ARID2: variants seen among roughly 807,000 people sequenced by gnomAD.
ARID2 encodes AT-rich interaction domain 2.
ARID2 carries 32 observed loss-of-function variants against 184.6 expected under a neutral mutation model. The observed-to-expected ratio is 0.17, with a 90% confidence interval of 0.13 to 0.23. The LOEUF (loss-of-function observed/expected upper bound fraction) is 0.23. Among genes scored for constraint, ARID2 ranks in the 10% least tolerant of loss-of-function variants. The pLI, the probability that ARID2 is intolerant of heterozygous loss-of-function variation, is 1.00. For synonymous variants in ARID2, 836 were observed against 772.6 expected (o/e 1.08, Z -1.36); for missense variants, 1,696 against 2,197.6 (o/e 0.77, Z 4.56).
intron 16 of ARID2, among the ~76,000 whole-genome samples, chr12:45,875,301 A>C (rs375337030): frequency 2.0e-5 from 3 of 152,178 alleles, no homozygotes; most frequent in Non-Finnish European, 2.9e-5. Flanking sequence ...CAGAGTGGTA[A>C]GTTTCAATAG....
intron 3 of ARID2, among the ~76,000 whole-genome samples, chr12:45,782,819 G>GA (rs1942121547): frequency 6.6e-6 from 1 of 151,660 alleles, no homozygotes; most frequent in Non-Finnish European, 1.5e-5. Flanking sequence ...CTTAAGAAGT[G>GA]AAAAATGGGC....
intron 15 of ARID2, among the ~76,000 whole-genome samples, chr12:45,853,581 C>G (rs1479318903): frequency 6.6e-6 from 1 of 152,196 alleles, no homozygotes; most frequent in Non-Finnish European, 1.5e-5. Context: ...AGTTGAGGGT[C>G]CAATCAGGCT....
intron 3 of ARID2, among the ~76,000 whole-genome samples, chr12:45,762,257 A>T (rs1592060600): frequency 2.0e-5 from 3 of 152,132 alleles, no homozygotes; most frequent in Non-Finnish European, 4.4e-5. Context: ...AAATGCTGGT[A>T]TATTTAGAGA....
intron 16 of ARID2, among the ~76,000 whole-genome samples, chr12:45,887,318 T>C (rs1407043091): frequency 6.6e-6 from 1 of 152,232 alleles, no homozygotes; most frequent in Non-Finnish European, 1.5e-5. Flanking sequence ...GTAATTATAT[T>C]AAATACTACA....
At chr12:45,837,848 A>T (rs1461961320) in intron 10 of ARID2, 141 bp downstream of exon 10, 1 of 605,964 alleles carries the variant, frequency 1.7e-6, no homozygotes, top group Non-Finnish European at 2.7e-6. Context: ...ACTTGTTTCC[A>T]TTATTCTTTA....
chr12:45,888,049 G>C (rs1361492797), intron 16 of ARID2, among the ~76,000 whole-genome samples: 1 of 152,086 alleles, frequency 6.6e-6, no homozygotes, highest in Non-Finnish European at 1.5e-5. Flanking sequence ...TAAAAAATCA[G>C]CTGGGGGTGC....
intron 3 of ARID2, among the ~76,000 whole-genome samples, chr12:45,784,363 C>T (rs1462748959): frequency 6.6e-6 from 1 of 151,846 alleles, no homozygotes; most frequent in East Asian, 1.9e-4. Context: ...AATATGATAC[C>T]AGCAATTCCA....
chr12:45,744,450 T>A (rs1195998642), intron 3 of ARID2, among the ~76,000 whole-genome samples: 1 of 152,174 alleles, frequency 6.6e-6, no homozygotes, highest in East Asian at 1.9e-4. Flanking sequence ...ATTACATTTT[T>A]AAAATTCCAT....
At chr12:45,887,093 G>T (rs969939058) in intron 16 of ARID2, among the ~76,000 whole-genome samples, 7 of 152,166 alleles carry the variant, frequency 4.6e-5, no homozygotes, top group Non-Finnish European at 8.8e-5. Context: ...TTGCTCAGTT[G>T]AACCAAACAG....
intron 3 of ARID2, among the ~76,000 whole-genome samples, chr12:45,774,963 A>G (rs943302764): frequency 5.3e-5 from 8 of 152,142 alleles, no homozygotes; most frequent in African/African-American, 1.9e-4. Context: ...TTTGATTGTC[A>G]TAGCTGGGGA....
chr12:45,837,764 G>A (rs2138133337), intron 10 of ARID2, 57 bp downstream of exon 10: 1 of 1,511,854 alleles, frequency 6.6e-7, no homozygotes, highest in Non-Finnish European at 9.1e-7. Flanking sequence ...GTTTAATATG[G>A]TACTGTACAA....
chr12:45,835,521 T>G (rs769096572), intron 6 of ARID2, among the ~76,000 whole-genome samples: 9 of 152,198 alleles, frequency 5.9e-5, no homozygotes, highest in Admixed American at 2.0e-4. Flanking sequence ...CCAGTTGTTT[T>G]GAAATATACA....
In ARID2 at chr12:45,906,745, T is replaced by G; in HGVS notation, c.*1667T>G. 1 of 232,234 alleles carries G rather than the reference T, an allele frequency of 4.3e-6. No individual in the cohort carries two copies. The allele number at this position is 232,234 out of a possible 1,614,324, so 14.4% of individuals were successfully genotyped here. On this transcript the variant is annotated 3_prime_UTR_variant, in exon 21 of 21. Transcript: ENST00000334344. ...AGCAGATTAACCAAGTATTTATTTT[T>G]CATCTTGTTATAATGCAGAGCAAAT...
chr12:45,746,955 G>C (rs896317030), intron 3 of ARID2, among the ~76,000 whole-genome samples: 4 of 152,094 alleles, frequency 2.6e-5, no homozygotes, highest in African/African-American at 9.7e-5. Flanking sequence ...ATTTTAGGTA[G>C]AGATGGGGTT....
intron 3 of ARID2, among the ~76,000 whole-genome samples, chr12:45,761,725 C>T (rs1271083227): frequency 6.6e-6 from 1 of 151,718 alleles, no homozygotes; most frequent in African/African-American, 2.4e-5. Context: ...TATCTTTTCT[C>T]CTTAGCACTT....
At chr12:45,785,741 A>G (rs1453953431) in intron 3 of ARID2, among the ~76,000 whole-genome samples, 1 of 152,124 alleles carries the variant, frequency 6.6e-6, no homozygotes, top group Non-Finnish European at 1.5e-5. Flanking sequence ...ACCCCCCCAA[A>G]TCCAAAAAAA....
chr12:45,895,864 G>A (rs988252725), intron 20 of ARID2, among the ~76,000 whole-genome samples: 16 of 152,064 alleles, frequency 1.1e-4, no homozygotes, highest in African/African-American at 3.9e-4. Flanking sequence ...ATCAAAAAGA[G>A]TAAAATACTT....
chr12:45,835,944 A>G (rs762612372), intron 6 of ARID2, among the ~76,000 whole-genome samples: 23 of 151,802 alleles, frequency 1.5e-4, no homozygotes, highest in Non-Finnish European at 2.9e-4. Context: ...AATTTCCAGT[A>G]GTGTTTAATG....
intron 15 of ARID2, among the ~76,000 whole-genome samples, chr12:45,856,827 A>G (rs2138187639): frequency 6.6e-6 from 1 of 152,310 alleles, no homozygotes; most frequent in South Asian, 2.1e-4. Context: ...ATATAAATAT[A>G]AAATAAACTG....
Sources: allele counts gnomAD v4.1 joint callset (sites outside exome capture counted in the v4.1 genomes callset), GRCh38; gene constraint gnomAD v4.1.1; transcripts MANE v1.5; gene names NCBI Gene and HGNC (gene_info 2026-07-23, HGNC 2026-07-21).